MROH2B: variants seen among roughly 807,000 people sequenced by gnomAD.
MROH2B encodes maestro heat like repeat family member 2B, also known as maestro heat-like repeat-containing protein family member 2B.
Under a neutral mutation model 208.6 loss-of-function variants are expected in MROH2B, and 177 were observed. That is an observed-to-expected ratio of 0.85 (90% CI 0.75 to 0.96). The LOEUF is 0.96. MROH2B is among the 40% of genes least tolerant of loss of function. The probability of loss-of-function intolerance (pLI) is 0.00; values close to 1 mark genes in which losing one functional copy is unlikely to be tolerated. For missense variants in MROH2B, 2,002 were observed against 1,878.7 expected, an observed-to-expected ratio of 1.07 and a Z score of -1.21; for synonymous variants, 728 against 659.0, an observed-to-expected ratio of 1.10 and a Z score of -1.60.
At chr5:41,004,950 A>C in intron 35 of MROH2B, 30 bp from the exon 36 acceptor site, 1 of 1,609,204 alleles carries the variant, frequency 6.2e-7, no homozygotes, top group East Asian at 2.2e-5. Context: ...CCTCCCGTTT[A>C]GTTAAGGGCG....
At position 41,069,170 on chromosome 5, in the gene MROH2B, A is replaced by T. The variant is rs1419834194; in HGVS notation, c.90+521T>A. On this transcript the variant is annotated intron_variant, in intron 2 of 41. Coordinates refer to ENST00000399564, the MANE Select transcript of MROH2B (RefSeq NM_173489.5). ...ACTACCTGATAAAATTGTTCTGAGG[A>T]GTGAATATTATACAATACACTGTTG... Among the ~76,000 whole-genome samples the T allele has an allele frequency of 5.9e-5, 9 of 152,324 alleles. No homozygotes were observed. In the East Asian group the frequency reaches 1.2e-3, roughly 20 times the overall value.
chr5:41,067,678 C>T (rs989814951), intron 2 of MROH2B, among the ~76,000 whole-genome samples: 1 of 152,098 alleles, frequency 6.6e-6, no homozygotes, highest in African/African-American at 2.4e-5. Flanking sequence ...TTAATTGAGG[C>T]TTTCTGAACA....
At chr5:41,069,786 A>G in intron 1 of MROH2B, 34 bp from the exon 2 acceptor site, 1 of 1,422,230 alleles carries the variant, frequency 7.0e-7, no homozygotes, top group Non-Finnish European at 9.8e-7. Flanking sequence ...ATTGAAATAT[A>G]TGCTGAAATG....
At chr5:41,029,053 G>A (rs11738326) in intron 24 of MROH2B, among the ~76,000 whole-genome samples, 91,712 of 151,930 alleles carry the variant, frequency 0.6, 28,174 homozygotes, top group Non-Finnish European at 0.66. Flanking sequence ...CCTCCATCCC[G>A]TTTTCCATAA....
intron 28 of MROH2B, among the ~76,000 whole-genome samples, chr5:41,016,418 A>G (rs1021904895): frequency 6.6e-6 from 1 of 151,882 alleles, no homozygotes; most frequent in East Asian, 1.9e-4. Context: ...CTAAAGGAAA[A>G]ATAGGTAGAA....
At chr5:41,039,287 T>C (rs1455392093) in intron 20 of MROH2B, among the ~76,000 whole-genome samples, 161 bp downstream of exon 20, 1 of 152,140 alleles carries the variant, frequency 6.6e-6, no homozygotes, top group Non-Finnish European at 1.5e-5. Context: ...AGACTTTTCA[T>C]ATAGCTAATC....
chr5:41,023,639 T>C (rs1051576894), intron 24 of MROH2B, among the ~76,000 whole-genome samples: 11 of 151,970 alleles, frequency 7.2e-5, no homozygotes, highest in Non-Finnish European at 1.5e-4. Flanking sequence ...ACATCCCCAA[T>C]CTAGCAAGGC....
chr5:41,016,498 GTTTTTT>G (rs10689623), intron 28 of MROH2B, among the ~76,000 whole-genome samples: 23 of 80,802 alleles, frequency 2.8e-4, no homozygotes, highest in African/African-American at 6.0e-4. Context: ...CTACTGTAAT[GTTTTTT>G]TTTTTTTTTT....
intron 21 of MROH2B, among the ~76,000 whole-genome samples, chr5:41,035,487 A>T (rs1384494106): frequency 6.6e-6 from 1 of 152,156 alleles, no homozygotes; most frequent in Non-Finnish European, 1.5e-5. Flanking sequence ...ATTAAACCAA[A>T]GAGCTTCTGC....
chr5:41,050,565 T>A (rs1372852832), intron 13 of MROH2B, among the ~76,000 whole-genome samples: 1 of 152,132 alleles, frequency 6.6e-6, no homozygotes, highest in Non-Finnish European at 1.5e-5. Flanking sequence ...GCACTACAGA[T>A]TCCAAGGCTC....
rs535210332 is a variant in MROH2B, at chr5:41,027,419, C to G, written c.2441+5323G>C. Among the ~76,000 whole-genome samples the G allele has an allele frequency of 1.3e-3, 199 of 151,792 alleles. 2 individuals carry two copies. The highest frequency in any genetic ancestry group is 4.6e-3 in the African/African-American group (191 of 41,138). On this transcript the variant is annotated intron_variant, in intron 24 of 41. Transcript: ENST00000399564. ...TTCTCAAAAGAAGACATTTATGCAGCCAACAGACACATGAAAAAATGCTCA... is the reference window on the plus strand; with the variant it reads ...TTCTCAAAAGAAGACATTTATGCAGGCAACAGACACATGAAAAAATGCTCA...
chr5:41,060,858 ATGCTT>A (rs1743617093), intron 6 of MROH2B, among the ~76,000 whole-genome samples: 1 of 152,238 alleles, frequency 6.6e-6, no homozygotes, highest in Non-Finnish European at 1.5e-5. Flanking sequence ...TAAAAAATAA[ATGCTT>A]TAATAGTTTA....
In MROH2B at chr5:40,998,082, TCTC is replaced by T. The variant is rs1380183643; in HGVS notation, c.4725_4727del (p.Arg1577del). Reference sequence around the variant, plus strand: ...GAGGAATGCTTGTCTCTTTACACCTTCTCAGGAGGGTTTGCAAAGCAGCCTCAG... The same window carrying T: ...GAGGAATGCTTGTCTCTTTACACCTTAGGAGGGTTTGCAAAGCAGCCTCAG... On this transcript the variant is annotated inframe_deletion, in exon 42 of 42. Transcript: ENST00000399564. 1 of 1,612,434 alleles carries T rather than the reference TCTC, an allele frequency of 6.2e-7. No individual in the cohort carries two copies. The highest frequency in any genetic ancestry group is 8.5e-7 in the Non-Finnish European group (1 of 1,178,658).
chr5:41,047,825 C>A, intron 16 of MROH2B, 61 bp from the exon 17 acceptor site: 1 of 1,433,472 alleles, frequency 7.0e-7, no homozygotes, highest in Non-Finnish European at 9.6e-7. Flanking sequence ...GACTCAAATT[C>A]TCCCCTCCAG....
Position 41,009,809 on chromosome 5 carries a change from A to G in MROH2B, c.3293+113T>C, listed in dbSNP as rs60440241. The G allele has an allele frequency of 2.8e-3, 2,855 of 1,005,158 alleles. 56 individuals carry two copies. In the African/African-American group the frequency reaches 0.042, roughly 15 times the overall value. 62.3% of individuals were successfully genotyped at this position (1,005,158 alleles called of 1,614,324 possible). On this transcript the variant is annotated intron_variant, in intron 31 of 41. Coordinates refer to ENST00000399564, the MANE Select transcript of MROH2B (RefSeq NM_173489.5). ...TACCAATTGTTAAATTGTTATTCAG[A>G]TGAGCTATTTTCAACCTTTGTTTGC...
intron 25 of MROH2B, 36 bp downstream of exon 25, chr5:41,018,847 A>G: frequency 6.2e-7 from 1 of 1,613,814 alleles, no homozygotes; most frequent in Non-Finnish European, 8.5e-7. Flanking sequence ...GCCCCACTGC[A>G]GACTGTCATC....
chr5:41,064,952 A>G (rs1743756164), intron 4 of MROH2B, among the ~76,000 whole-genome samples: 1 of 152,250 alleles, frequency 6.6e-6, no homozygotes, highest in Admixed American at 6.5e-5. Context: ...AAGTATATGT[A>G]AACATATGTA....
chr5:41,000,527 TAAG>T, intron 38 of MROH2B, 148 bp downstream of exon 38: 1 of 1,319,990 alleles, frequency 7.6e-7, no homozygotes, highest in Non-Finnish European at 1.0e-6. Flanking sequence ...GAAGAGATAG[TAAG>T]AAGAACCTAG....
intron 24 of MROH2B, among the ~76,000 whole-genome samples, chr5:41,022,224 C>T (rs551908677): frequency 2.6e-5 from 4 of 152,236 alleles, no homozygotes; most frequent in Non-Finnish European, 4.4e-5. Flanking sequence ...GTGCAGCCCA[C>T]TGAGTGAGAG....
Sources: gnomAD v4.1 joint callset for allele counts (sites outside exome capture counted in the v4.1 genomes callset) on GRCh38, gnomAD v4.1.1 for gene constraint, MANE v1.5 for transcripts, NCBI Gene and HGNC (gene_info 2026-07-23, HGNC 2026-07-21) for gene names.